The following CPNE8 variants were observed in gnomAD, a reference collection of about 807,000 sequenced individuals.
The protein encoded by CPNE8 is copine-8.
In CPNE8, 45 loss-of-function variants were observed where a neutral mutation model predicts 81.5. The observed-to-expected ratio is 0.55, with a 90% CI of 0.44 to 0.71. CPNE8 has a LOEUF of 0.71. Ranked by LOEUF, CPNE8 falls within the 30% of genes least tolerant of loss-of-function variation. The pLI is 0.00. For synonymous variants in CPNE8, 252 were observed against 226.3 expected (o/e 1.11, Z -1.02); for missense variants, 594 against 672.1 (o/e 0.88, Z 1.28).
chr12:38,808,308 G>T (rs1054307165), intron 6 of CPNE8, among the ~76,000 whole-genome samples: 1 of 152,088 alleles, frequency 6.6e-6, no homozygotes, highest in African/African-American at 2.4e-5. Flanking sequence ...GCACACGTAT[G>T]TTTATTGCAC....
At chr12:38,765,448 T>C (rs1339893969) in intron 8 of CPNE8, among the ~76,000 whole-genome samples, 1 of 152,162 alleles carries the variant, frequency 6.6e-6, no homozygotes, top group Non-Finnish European at 1.5e-5. Flanking sequence ...GAGTATAAGA[T>C]CATAAGTATG....
chr12:38,728,575 A>T (rs558394534), intron 11 of CPNE8, among the ~76,000 whole-genome samples: 43 of 152,118 alleles, frequency 2.8e-4, no homozygotes, highest in African/African-American at 9.6e-4. Flanking sequence ...AAAACAAAAC[A>T]AACAAACAAA....
intron 8 of CPNE8, among the ~76,000 whole-genome samples, chr12:38,762,842 T>G (rs140188900): frequency 6.5e-4 from 99 of 152,074 alleles, no homozygotes; most frequent in African/African-American, 2.2e-3. Context: ...GAGAGAAAGG[T>G]GGGAGCAATG....
intron 5 of CPNE8, among the ~76,000 whole-genome samples, chr12:38,834,718 T>C (rs1943353034): frequency 1.3e-5 from 2 of 152,054 alleles, no homozygotes; most frequent in African/African-American, 4.8e-5. Context: ...GTGATATCCA[T>C]CCAAAAAAAG....
upstream of CPNE8, chr12:38,905,754 C>T (rs1042336042): frequency 3.6e-6 from 5 of 1,393,456 alleles, no homozygotes; most frequent in African/African-American, 2.9e-5. Flanking sequence ...CGCTGCCAGG[C>T]AAGTGGCGCG....
chr12:38,797,296 C>T (rs1261983467), intron 6 of CPNE8, among the ~76,000 whole-genome samples: 1 of 152,150 alleles, frequency 6.6e-6, no homozygotes, highest in Non-Finnish European at 1.5e-5. Flanking sequence ...GGGAGGCACC[C>T]CCCAGTAGGG....
At chr12:38,881,938 G>A (rs1944165192) in intron 1 of CPNE8, among the ~76,000 whole-genome samples, 1 of 152,166 alleles carries the variant, frequency 6.6e-6, no homozygotes, top group Admixed American at 6.6e-5. Flanking sequence ...CAGGATATGG[G>A]TCTTCTTAAA....
intron 1 of CPNE8, among the ~76,000 whole-genome samples, chr12:38,880,489 G>GCTAGATTA (rs1410251604): frequency 1.3e-5 from 2 of 152,124 alleles, no homozygotes; most frequent in Non-Finnish European, 2.9e-5. Flanking sequence ...TGGGGCCTTT[G>GCTAGATTA]CTCTAATAGG....
intron 16 of CPNE8, among the ~76,000 whole-genome samples, chr12:38,683,479 G>GT: frequency 6.6e-6 from 1 of 152,064 alleles, no homozygotes; most frequent in East Asian, 1.9e-4. Flanking sequence ...TTACATAAAT[G>GT]GAGGTCACAC....
At chr12:38,778,713 G>C (rs549036970) in intron 6 of CPNE8, among the ~76,000 whole-genome samples, 7 of 152,116 alleles carry the variant, frequency 4.6e-5, no homozygotes, top group Non-Finnish European at 1.0e-4. Flanking sequence ...ACTGTTAAAA[G>C]GACAAATTGT....
chr12:38,828,353 A>G (rs1005786240), intron 6 of CPNE8, among the ~76,000 whole-genome samples: 2 of 152,206 alleles, frequency 1.3e-5, no homozygotes, highest in African/African-American at 2.4e-5. Flanking sequence ...CACAAAAAGA[A>G]TTTAAAATGG....
rs1453544308 is a variant in CPNE8, at chr12:38,733,583, A to G, written c.723-3225T>C. Reference sequence around the variant, plus strand: ...ATAACTAAAATAATTATTCTATGTTATAAGTTCCAAGCTCTCTGACTGCAT... The same window carrying G: ...ATAACTAAAATAATTATTCTATGTTGTAAGTTCCAAGCTCTCTGACTGCAT... On this transcript the variant is annotated intron_variant, in intron 10 of 19. Coordinates refer to ENST00000331366, the MANE Select transcript of CPNE8 (RefSeq NM_153634.3). 4.6e-5 allele frequency among the ~76,000 whole-genome samples: 7 copies of G among 151,988 alleles called. No homozygotes were observed. In the South Asian group the frequency reaches 1.0e-3, roughly 23 times the overall value.
chr12:38,719,053 C>G (rs1050621293), intron 13 of CPNE8, among the ~76,000 whole-genome samples: 3 of 151,230 alleles, frequency 2.0e-5, no homozygotes, highest in Admixed American at 2.0e-4. Flanking sequence ...TTAGAGTAAG[C>G]CTTCTGTAAA....
chr12:38,865,873 C>T (rs1383724418), intron 3 of CPNE8, among the ~76,000 whole-genome samples: 1 of 152,210 alleles, frequency 6.6e-6, no homozygotes, highest in Non-Finnish European at 1.5e-5. Context: ...CAATTGAACA[C>T]ATGATATGCA....
chr12:38,904,115 A>G (rs1173143682), intron 1 of CPNE8, among the ~76,000 whole-genome samples: 1 of 152,154 alleles, frequency 6.6e-6, no homozygotes, highest in African/African-American at 2.4e-5. Context: ...TTTTAAACTT[A>G]TTTACATCAA....
intron 10 of CPNE8, among the ~76,000 whole-genome samples, chr12:38,749,069 G>A (rs969153381): frequency 6.6e-6 from 1 of 152,062 alleles, no homozygotes; most frequent in African/African-American, 2.4e-5. Flanking sequence ...CACATGTTCT[G>A]GGAGGAACCC....
In CPNE8 at chr12:38,693,713, G is replaced by A. The variant is rs775774791; in HGVS notation, c.1087C>T (p.Leu363=). The change falls in exon 15 of 20, where the codon CTA becomes TTA. Residue 363 remains leucine, a synonymous_variant. Transcript: ENST00000331366. ...GGAGGCAGTTTTGCACCAAATCCTA[G>A]AGCTGGAAACATTTTATCACTGTCA... ...DYDSDKMFPA[L]GFGAKLPPDG... 5 of 1,613,264 alleles carry A rather than the reference G, an allele frequency of 3.1e-6. No homozygotes were observed. In the Admixed American group the frequency reaches 6.7e-5, roughly 22 times the overall value.
At chr12:38,702,683 T>C (rs1939976419) in intron 14 of CPNE8, among the ~76,000 whole-genome samples, 192 bp downstream of exon 14, 1 of 152,116 alleles carries the variant, frequency 6.6e-6, no homozygotes, top group Non-Finnish European at 1.5e-5. Context: ...GCATTTTTGT[T>C]ATATTATTTC....
chr12:38,677,349 G>T, intron 17 of CPNE8, 103 bp downstream of exon 17: 1 of 678,240 alleles, frequency 1.5e-6, no homozygotes, highest in Non-Finnish European at 2.7e-6. Flanking sequence ...CTGCAAAGGT[G>T]TGGTGATTTT....
Sources: gnomAD v4.1 joint callset for allele counts (sites outside exome capture counted in the v4.1 genomes callset) on GRCh38, gnomAD v4.1.1 for gene constraint, MANE v1.5 for transcripts, NCBI Gene and HGNC (gene_info 2026-07-23, HGNC 2026-07-21) for gene names.